The following KIRREL3 variants were observed in gnomAD, a reference collection of about 807,000 sequenced individuals.
The protein encoded by KIRREL3 is kirre like nephrin family adhesion molecule 3.
Under a neutral mutation model 89.7 loss-of-function variants are expected in KIRREL3, and 36 were observed. The observed-to-expected ratio is 0.40, with a 90% CI of 0.31 to 0.53. The LOEUF is 0.53. Among genes scored for constraint, KIRREL3 ranks in the 20% least tolerant of loss-of-function variants. The pLI is 0.49. For missense variants in KIRREL3, 864 were observed against 1,056.6 expected, an observed-to-expected ratio of 0.82 and a Z score of 2.53; for synonymous variants, 445 against 441.4, an observed-to-expected ratio of 1.01 and a Z score of -0.10.
At chr11:126,886,741 G>C (rs1297124952) in intron 1 of KIRREL3, among the ~76,000 whole-genome samples, 1 of 152,140 alleles carries the variant, frequency 6.6e-6, no homozygotes, top group East Asian at 1.9e-4. Context: ...CATTGGGCTG[G>C]TCCTTGACTG....
In KIRREL3 at chr11:126,448,555, G is replaced by T. The variant is rs111399172; in HGVS notation, c.997+454C>A. On this transcript the variant is annotated intron_variant, in intron 8 of 16. Coordinates refer to ENST00000525144, the MANE Select transcript of KIRREL3 (RefSeq NM_032531.4). ...CCTCACCCCTGTGGGATGGTAGTAG[G>T]AGGAGGAGCTTTGCAGGGGCAGGGG... is the stretch of plus-strand genomic sequence containing the variant. Among the ~76,000 whole-genome samples the T allele has an allele frequency of 3.1e-3, 474 of 152,354 alleles. 3 individuals are homozygous for T. The highest frequency in any genetic ancestry group is 0.011 in the African/African-American group (438 of 41,582).
Position 126,870,243 on chromosome 11 carries a change from C to T in KIRREL3, c.55+130212G>A, listed in dbSNP as rs910703543. 1.6e-4 allele frequency among the ~76,000 whole-genome samples: 24 copies of T among 152,182 alleles called. No individual in the cohort carries two copies. The highest frequency in any genetic ancestry group is 5.8e-4 in the African/African-American group (24 of 41,450). ...CCCCAGGCTCATATTCTGCCAGGGA[C>T]CACACTGAACACCCTCCTCAAGATG... On this transcript the variant is annotated intron_variant, in intron 1 of 16. Transcript: ENST00000525144. This position sits in a 1 kb window ranked among gnomAD's most constrained non-coding sequence, Gnocchi z 4.4.
In KIRREL3 at chr11:126,989,257, T is replaced by C. The variant is rs1949956441; in HGVS notation, c.55+11198A>G. Among the ~76,000 whole-genome samples the C allele has an allele frequency of 6.6e-6, 1 of 152,186 alleles. No individual in the cohort carries two copies. Among genetic ancestry groups the C allele is most frequent in the Admixed American group, 6.5e-5 (1 of 15,278 alleles). On this transcript the variant is annotated intron_variant, in intron 1 of 16. Coordinates refer to ENST00000525144, the MANE Select transcript of KIRREL3 (RefSeq NM_032531.4). This position sits in a 1 kb window ranked among gnomAD's most constrained non-coding sequence, Gnocchi z 6.2. The stretch of plus-strand genomic sequence containing the variant: ...GAAGAAGTCACCTGGAATTTGCTAG[T>C]AGAACTATCAGTAAAATGAAGACAG...
chr11:126,467,140 C>A (rs1956750852), intron 5 of KIRREL3, among the ~76,000 whole-genome samples: 1 of 152,222 alleles, frequency 6.6e-6, no homozygotes, highest in African/African-American at 2.4e-5. Context: ...CTGTTTTTGT[C>A]TTTGGGTGTT....
In KIRREL3 at chr11:126,903,270, C is replaced by T. The variant is rs1004317353; in HGVS notation, c.55+97185G>A. ...ATTTGGTATGAAGTTTAGGCACTCACATTTTTCTTTTCTTTTTTTTTTAAA... is the reference window on the plus strand; with the variant it reads ...ATTTGGTATGAAGTTTAGGCACTCATATTTTTCTTTTCTTTTTTTTTTAAA... On this transcript the variant is annotated intron_variant, in intron 1 of 16. Transcript: ENST00000525144. This position sits in a 1 kb window ranked among gnomAD's most constrained non-coding sequence, Gnocchi z 4.5. Among the ~76,000 whole-genome samples the T allele has an allele frequency of 2.0e-5, 3 of 152,062 alleles. No homozygotes were observed. The highest frequency in any genetic ancestry group is 4.4e-5 in the Non-Finnish European group (3 of 68,022).
intron 1 of KIRREL3, among the ~76,000 whole-genome samples, chr11:126,693,511 G>C (rs1211767856): frequency 6.6e-6 from 1 of 152,136 alleles, no homozygotes; most frequent in African/African-American, 2.4e-5. Flanking sequence ...AGGAGAGAAA[G>C]AGACTCTGCC....
chr11:126,619,451 A>C (rs575230045), intron 1 of KIRREL3, among the ~76,000 whole-genome samples: 42 of 152,350 alleles, frequency 2.8e-4, no homozygotes, highest in African/African-American at 9.4e-4. Flanking sequence ...ATGGGTTTGA[A>C]TGGGAAAATG....
intron 1 of KIRREL3, among the ~76,000 whole-genome samples, chr11:126,960,988 T>C (rs1050293489): frequency 6.6e-6 from 1 of 152,200 alleles, no homozygotes; most frequent in Non-Finnish European, 1.5e-5. Context: ...GTTAATATTG[T>C]AATTGTTTTG....
chr11:126,547,284 C>A (rs547662723), intron 2 of KIRREL3, among the ~76,000 whole-genome samples: 3 of 152,338 alleles, frequency 2.0e-5, no homozygotes, highest in Admixed American at 6.5e-5. Context: ...GTCATATCCC[C>A]TTTGGGTGGC....
At chr11:126,963,310 TACACACACACAC>T (rs10626906) in intron 1 of KIRREL3, among the ~76,000 whole-genome samples, 1 of 146,084 alleles carries the variant, frequency 6.8e-6, no homozygotes, top group African/African-American at 2.5e-5. Context: ...AGAACACACA[TACACACACACAC>T]ACACACACAC....
chr11:126,674,072 A>G (rs1375350475), intron 1 of KIRREL3, among the ~76,000 whole-genome samples: 1 of 152,182 alleles, frequency 6.6e-6, no homozygotes, highest in African/African-American at 2.4e-5. Context: ...GATGGCCAGG[A>G]CCCTTTCAAG....
chr11:126,979,946 T>C (rs780996643), intron 1 of KIRREL3, among the ~76,000 whole-genome samples: 2 of 152,148 alleles, frequency 1.3e-5, no homozygotes, highest in Non-Finnish European at 2.9e-5. Flanking sequence ...TTTAAAACAT[T>C]AGAGTTTCTC....
chr11:126,711,389 C>A (rs1451368176), intron 1 of KIRREL3, among the ~76,000 whole-genome samples: 4 of 152,162 alleles, frequency 2.6e-5, no homozygotes, highest in African/African-American at 4.8e-5. Context: ...GTGAACCCCC[C>A]ACCTCTACTA....
chr11:126,499,286 G>GC (rs1345300624), intron 4 of KIRREL3, among the ~76,000 whole-genome samples: 1 of 152,018 alleles, frequency 6.6e-6, no homozygotes, highest in Non-Finnish European at 1.5e-5. Flanking sequence ...GTGACTCTCC[G>GC]CCCCACTTTA....
rs1948099325 is a variant in KIRREL3, at chr11:126,719,717, C to T, written c.56-156805G>A. 6.6e-6 allele frequency among the ~76,000 whole-genome samples: 1 copy of T among 152,286 alleles called. No homozygotes were observed. Among genetic ancestry groups the T allele is most frequent in the Middle Eastern group, 3.4e-3 (1 of 294 alleles). On this transcript the variant is annotated intron_variant, in intron 1 of 16. Transcript: ENST00000525144. The surrounding 1 kb of genome is among the most constrained non-coding windows in gnomAD (Gnocchi z 4.7). ...CTTAGAAGTCATCCCTGATGCCTTT[C>T]TCTAATACTTTATCTTTCAATCTTT...
intron 1 of KIRREL3, among the ~76,000 whole-genome samples, chr11:126,865,231 T>A (rs529079656): frequency 3.4e-4 from 51 of 152,206 alleles, no homozygotes; most frequent in Non-Finnish European, 6.5e-4. Context: ...AGATTAGAAG[T>A]CTGTCTAAAC....
intron 1 of KIRREL3, among the ~76,000 whole-genome samples, chr11:126,962,936 G>A (rs1354039264): frequency 6.6e-6 from 1 of 152,092 alleles, no homozygotes; most frequent in Non-Finnish European, 1.5e-5. Context: ...TAAAGATTTT[G>A]TAAATTAAGG....
At position 126,435,280 on chromosome 11, in the gene KIRREL3, C is replaced by T. The variant is rs770884794; in HGVS notation, c.1576G>A (p.Gly526Arg). The change falls in exon 13 of 17, where the codon GGG (glycine) becomes AGG (arginine). Residue 526 changes from glycine to arginine, a missense_variant. Transcript: ENST00000525144. Reference protein sequence around the residue: ...EQGSEMKSGAGLEAESVPMAV... With the variant: ...EQGSEMKSGARLEAESVPMAV... ...TCTCCTTCCGTACCTGCTTCCAGCC[C>T]GGCTCCCGACTTCATTTCCGAACCT... 7 of 1,613,558 alleles carry T rather than the reference C, an allele frequency of 4.3e-6. No individual in the cohort carries two copies. The highest frequency in any genetic ancestry group is 2.2e-5 in the East Asian group (1 of 44,858).
chr11:126,725,080 C>T (rs544460649), intron 1 of KIRREL3, among the ~76,000 whole-genome samples: 74 of 152,220 alleles, frequency 4.9e-4, no homozygotes, highest in Non-Finnish European at 7.6e-4. Context: ...GGGGTTTTAA[C>T]CAATGTGGGT....
Sources: gnomAD v4.1 joint callset for allele counts (sites outside exome capture counted in the v4.1 genomes callset) on GRCh38, gnomAD v4.1.1 for gene constraint, Gnocchi (gnomAD v3.1) non-coding constraint, MANE v1.5 for transcripts, NCBI Gene and HGNC (gene_info 2026-07-23, HGNC 2026-07-21) for gene names.